ATP8A1: variants seen among roughly 807,000 people sequenced by gnomAD.
ATP8A1 encodes ATPase phospholipid transporting 8A1, also known as phospholipid-transporting ATPase IA.
A neutral mutation model predicts 177.7 loss-of-function variants in ATP8A1; 90 were observed. The ratio of observed to expected loss-of-function variants is 0.51; its 90% CI spans 0.43 to 0.60. The LOEUF (loss-of-function observed/expected upper bound fraction) is 0.60. ATP8A1 is among the 20% of genes least tolerant of loss of function. The probability of loss-of-function intolerance (pLI) is 0.00; values close to 1 mark genes in which losing one functional copy is unlikely to be tolerated. For missense variants in ATP8A1, 1,072 were observed against 1,392.8 expected, an observed-to-expected ratio of 0.77 and a Z score of 3.67; for synonymous variants, 493 against 485.9, an observed-to-expected ratio of 1.01 and a Z score of -0.19.
At chr4:42,552,352 T>TA (rs1306779858) in intron 17 of ATP8A1, among the ~76,000 whole-genome samples, 153 bp downstream of exon 17, 2 of 152,256 alleles carry the variant, frequency 1.3e-5, no homozygotes, top group Non-Finnish European at 2.9e-5. Flanking sequence ...ATCATGTACA[T>TA]ATTTAACCTT....
chr4:42,640,933 T>C (rs1269398075), intron 1 of ATP8A1, among the ~76,000 whole-genome samples: 2 of 149,530 alleles, frequency 1.3e-5, no homozygotes, highest in Non-Finnish European at 3.0e-5. Context: ...GGAGGGAGCA[T>C]CATGGCACTC....
intron 24 of ATP8A1, among the ~76,000 whole-genome samples, chr4:42,497,203 C>T (rs1395120043): frequency 6.6e-6 from 1 of 152,164 alleles, no homozygotes; most frequent in Non-Finnish European, 1.5e-5. Flanking sequence ...AAGATTCCAG[C>T]ACTTGCTAGA....
intron 35 of ATP8A1, among the ~76,000 whole-genome samples, chr4:42,418,239 A>G (rs983348676): frequency 6.6e-6 from 1 of 152,184 alleles, no homozygotes; most frequent in Non-Finnish European, 1.5e-5. Context: ...GTGCCAGGCA[A>G]ATCAGTGAGG....
rs538778107 is a variant in ATP8A1 at position 42,586,030 on chromosome 4, AAGAAT to A, written c.722+314_722+318del. Among the ~76,000 whole-genome samples, 20 of 152,316 alleles carry A rather than the reference AAGAAT, an allele frequency of 1.3e-4. No homozygotes were observed. In the South Asian group the frequency reaches 3.3e-3, roughly 25 times the overall value. ...AGCCTATAACACGAGTATTTGGCCA[AAGAAT>A]AGAATAAGCCACAGGTAATTCTTAC... On this transcript the variant is annotated intron_variant, in intron 9 of 36. Coordinates refer to ENST00000381668, the MANE Select transcript of ATP8A1 (RefSeq NM_006095.2).
intron 5 of ATP8A1, among the ~76,000 whole-genome samples, chr4:42,604,361 T>A (rs1035752760): frequency 6.6e-6 from 1 of 152,176 alleles, no homozygotes; most frequent in Non-Finnish European, 1.5e-5. Context: ...GATTATAAGA[T>A]CCATGACAAG....
chr4:42,472,072 G>A, intron 25 of ATP8A1: 1 of 719,640 alleles, frequency 1.4e-6, no homozygotes, highest in Non-Finnish European at 2.6e-6. Flanking sequence ...AAAAAGTTCA[G>A]TGGGAAGCAT....
chr4:42,473,297 C>T (rs1430514783), intron 25 of ATP8A1, among the ~76,000 whole-genome samples: 3 of 152,204 alleles, frequency 2.0e-5, no homozygotes, highest in African/African-American at 7.2e-5. Flanking sequence ...TATTGAGGTA[C>T]TGTCCCGGGA....
At chr4:42,531,997 G>A (rs1276860027) in intron 20 of ATP8A1, among the ~76,000 whole-genome samples, 2 of 151,978 alleles carry the variant, frequency 1.3e-5, no homozygotes, top group Non-Finnish European at 2.9e-5. Flanking sequence ...AGTTACTCGG[G>A]AGTATGAGGT....
chr4:42,580,151 C>T (rs1732885936), intron 10 of ATP8A1, among the ~76,000 whole-genome samples, 173 bp from the exon 11 acceptor site: 1 of 152,062 alleles, frequency 6.6e-6, no homozygotes, highest in Non-Finnish European at 1.5e-5. Flanking sequence ...TGGTTAACCA[C>T]CTTTTTTTCA....
chr4:42,634,297 AG>A (rs1348935828), intron 1 of ATP8A1, among the ~76,000 whole-genome samples: 1 of 152,230 alleles, frequency 6.6e-6, no homozygotes, highest in Non-Finnish European at 1.5e-5. Context: ...AAAGAAATGT[AG>A]GATTTTTAAA....
At chr4:42,435,223 C>T (rs747762758) in intron 33 of ATP8A1, among the ~76,000 whole-genome samples, 1 of 151,586 alleles carries the variant, frequency 6.6e-6, no homozygotes, top group Non-Finnish European at 1.5e-5. Flanking sequence ...GTCAGGAGTT[C>T]GAGACCAGCC....
chr4:42,460,601 T>A (rs1001780391), intron 27 of ATP8A1, among the ~76,000 whole-genome samples: 3 of 151,844 alleles, frequency 2.0e-5, no homozygotes, highest in African/African-American at 4.8e-5. Flanking sequence ...GTTGGCCAGG[T>A]TGGTCTCGAA....
At chr4:42,601,038 T>TTTC (rs1553913941) in intron 5 of ATP8A1, among the ~76,000 whole-genome samples, 4 of 139,820 alleles carry the variant, frequency 2.9e-5, no homozygotes, top group East Asian at 4.0e-4. Flanking sequence ...ATTTTCTTTT[T>TTTC]TTTTTTTTTT....
chr4:42,426,088 A>G (rs1714581080), intron 33 of ATP8A1, among the ~76,000 whole-genome samples: 1 of 152,226 alleles, frequency 6.6e-6, no homozygotes, highest in Non-Finnish European at 1.5e-5. Flanking sequence ...TGAAATTTCT[A>G]TGTGAACTTT....
At chr4:42,605,607 C>G (rs192349940) in intron 5 of ATP8A1, among the ~76,000 whole-genome samples, 9 of 152,178 alleles carry the variant, frequency 5.9e-5, no homozygotes, top group African/African-American at 2.2e-4. Flanking sequence ...TTCTGCCGTC[C>G]TCCTTCAAAT....
chr4:42,582,529 T>C (rs898911559), intron 9 of ATP8A1, among the ~76,000 whole-genome samples: 4 of 89,030 alleles, frequency 4.5e-5, no homozygotes, highest in African/African-American at 1.4e-4. Flanking sequence ...CCCACCCAAA[T>C]TAAAAATAGC....
In ATP8A1 at chr4:42,656,898, C is replaced by T; in HGVS notation, c.-25G>A. 6.4e-7 allele frequency: 1 copy of T among 1,567,980 alleles called. No individual in the cohort carries two copies. Among genetic ancestry groups the T allele is most frequent in the East Asian group, 2.4e-5 (1 of 41,614 alleles). On this transcript the variant is annotated 5_prime_UTR_variant, in exon 1 of 37. Coordinates refer to ENST00000381668, the MANE Select transcript of ATP8A1 (RefSeq NM_006095.2). ...TCGCGGCGGCGGCTGCAGGTGGGTCCTCAGCCCGGACTCTGCACCTGTCAC... is the reference window on the plus strand; with the variant it reads ...TCGCGGCGGCGGCTGCAGGTGGGTCTTCAGCCCGGACTCTGCACCTGTCAC...
At chr4:42,584,200 G>A (rs1733391190) in intron 9 of ATP8A1, among the ~76,000 whole-genome samples, 1 of 152,122 alleles carries the variant, frequency 6.6e-6, no homozygotes, top group Non-Finnish European at 1.5e-5. Context: ...CCAACATTTA[G>A]TTGGCCACTA....
At chr4:42,500,670 T>C (rs61534908) in intron 24 of ATP8A1, among the ~76,000 whole-genome samples, 41,759 of 151,976 alleles carry the variant, frequency 0.27, 5,879 homozygotes, top group South Asian at 0.41. Flanking sequence ...TGGCTTTGCT[T>C]TTGGACGACA....
Sources: gnomAD v4.1 joint callset for allele counts (sites outside exome capture counted in the v4.1 genomes callset) on GRCh38, gnomAD v4.1.1 for gene constraint, MANE v1.5 for transcripts, NCBI Gene and HGNC (gene_info 2026-07-23, HGNC 2026-07-21) for gene names.